Variants in ZNF479 observed in about 807,000 individuals in gnomAD.
ZNF479 encodes the protein zinc finger protein 479.
A neutral mutation model predicts 14.7 loss-of-function variants in ZNF479; 15 were observed. That is an observed-to-expected ratio of 1.02 (90% confidence interval 0.68 to 1.57). The LOEUF (loss-of-function observed/expected upper bound fraction) is 1.57. Among genes scored for constraint, ZNF479 ranks in the 40% most tolerant of loss-of-function variants. The pLI is 0.00. For missense variants in ZNF479, 506 were observed against 615.1 expected (o/e 0.82, Z 1.88); for synonymous variants, 145 against 211.5 (o/e 0.69, Z 2.73).
At chr7:57,133,340 T>C (rs1786516578), upstream of ZNF479, among the ~76,000 whole-genome samples, 1 of 152,072 alleles carries the variant, frequency 6.6e-6, no homozygotes, top group Admixed American at 6.6e-5. Flanking sequence ...CTTCACCTTC[T>C]GTCATGGTCA....
At chr7:57,134,819 C>T (rs1472289617), upstream of ZNF479, among the ~76,000 whole-genome samples, 1 of 151,982 alleles carries the variant, frequency 6.6e-6, no homozygotes, top group Non-Finnish European at 1.5e-5. Flanking sequence ...GGATTACAGG[C>T]ATGCGCCACC....
intron 3 of ZNF479, 57 bp from the exon 4 acceptor site, chr7:57,121,209 C>A (rs1785931925): frequency 2.5e-6 from 4 of 1,609,526 alleles, no homozygotes; most frequent in Non-Finnish European, 3.4e-6. Context: ...TAAATATATT[C>A]TACACATGAA....
At chr7:57,128,111 T>C (rs1349418326) in intron 1 of ZNF479, among the ~76,000 whole-genome samples, 1 of 150,772 alleles carries the variant, frequency 6.6e-6, no homozygotes, top group Non-Finnish European at 1.5e-5. Flanking sequence ...ATTTTTGTAT[T>C]TTTTTTTAGT....
At chr7:57,123,108 G>A (rs1308452420) in intron 3 of ZNF479, among the ~76,000 whole-genome samples, 1 of 152,120 alleles carries the variant, frequency 6.6e-6, no homozygotes, top group African/African-American at 2.4e-5. Flanking sequence ...TTGATTCACA[G>A]TTCAGTAGAC....
exon 1 of ZNF479, chr7:57,139,782 T>G (rs1037295509): frequency 6.6e-6 from 1 of 152,220 alleles, no homozygotes. Flanking sequence ...GATATAACTC[T>G]TTTTTCTGGG....
At chr7:57,128,600 A>G (rs1234317441) in intron 1 of ZNF479, among the ~76,000 whole-genome samples, 4 of 152,234 alleles carry the variant, frequency 2.6e-5, no homozygotes, top group Non-Finnish European at 5.9e-5. Context: ...CGTAGGTCAT[A>G]AATTTGTTCT....
chr7:57,133,600 C>T (rs1248076838), upstream of ZNF479, among the ~76,000 whole-genome samples: 1 of 152,182 alleles, frequency 6.6e-6, no homozygotes, highest in Non-Finnish European at 1.5e-5. Flanking sequence ...GGCGCAGTGG[C>T]TCACGCCTGT....
upstream of ZNF479, among the ~76,000 whole-genome samples, chr7:57,134,963 G>C (rs1253934841): frequency 6.6e-6 from 1 of 151,528 alleles, no homozygotes; most frequent in East Asian, 1.9e-4. Flanking sequence ...GCATAAGCCA[G>C]GGTTATAGGC....
chr7:57,136,571 A>T (rs1167848452), upstream of ZNF479, among the ~76,000 whole-genome samples: 8 of 152,322 alleles, frequency 5.3e-5, no homozygotes, highest in African/African-American at 1.9e-4. Context: ...TTTATGTTAT[A>T]CTTAACTCTA....
Position 57,119,400 on chromosome 7 carries a change from G to GAGTTAA in ZNF479, c.*439_*440insTTAACT, listed in dbSNP as rs1554399611. Among the ~76,000 whole-genome samples, 2 of 151,586 alleles carry GAGTTAA rather than the reference G, an allele frequency of 1.3e-5. No homozygotes were observed. The highest frequency in any genetic ancestry group is 4.8e-5 in the African/African-American group (2 of 41,382). ...ACAAAGGTGGATCACCTGAGGTCAG[G>GAGTTAA]AGTTCAAGACCATCCTGGCCAACAT... On this transcript the variant is annotated 3_prime_UTR_variant, in exon 4 of 4. Coordinates refer to ENST00000319636, the MANE Select transcript of ZNF479 (RefSeq NM_001370129.2).
chr7:57,125,699 A>C (rs1786132925), intron 3 of ZNF479, among the ~76,000 whole-genome samples: 1 of 152,096 alleles, frequency 6.6e-6, no homozygotes, highest in African/African-American at 2.4e-5. Flanking sequence ...TTTTTCAAAA[A>C]TATGCAGATA....
chr7:57,133,885 G>A (rs758319986), upstream of ZNF479, among the ~76,000 whole-genome samples: 1 of 152,000 alleles, frequency 6.6e-6, no homozygotes, highest in Non-Finnish European at 1.5e-5. Context: ...AAAGAAACAG[G>A]TGGAATAACA....
In ZNF479 at chr7:57,120,182, A is replaced by G. The variant is rs377242227; in HGVS notation, c.1233T>C (p.Cys411=). 2.3e-4 allele frequency: 370 copies of G among 1,612,242 alleles called. 2 individuals are homozygous for G. The highest frequency in any genetic ancestry group is 1.5e-3 in the Middle Eastern group (9 of 6,038). ...AGCTAAAGACTTTGCCACACTCTTC[A>G]CATTTGTAGGGTCTCTCTCCAGTAT... ...RIHTGERPYK[C]EECGKVFSLS... The change falls in exon 4 of 4, where the codon TGT becomes TGC. Residue 411 remains cysteine (C), a synonymous_variant. Coordinates refer to ENST00000319636, the MANE Select transcript of ZNF479 (RefSeq NM_001370129.2).
At chr7:57,124,281 A>C (rs1786066242) in intron 3 of ZNF479, among the ~76,000 whole-genome samples, 1 of 152,348 alleles carries the variant, frequency 6.6e-6, no homozygotes, top group South Asian at 2.1e-4. Context: ...TAAAGACATG[A>C]TAGAACAAAA....
chr7:57,128,057 TC>T (rs975139281), intron 1 of ZNF479, among the ~76,000 whole-genome samples: 10 of 151,804 alleles, frequency 6.6e-5, no homozygotes, highest in African/African-American at 2.4e-4. Flanking sequence ...TGCCTCAACC[TC>T]CCAAGTAGCT....
At chr7:57,132,156 G>A in intron 1 of ZNF479, 130 bp downstream of exon 1, 1 of 1,539,866 alleles carries the variant, frequency 6.5e-7, no homozygotes, top group Non-Finnish European at 8.9e-7. Flanking sequence ...GAGCCGAGCT[G>A]GGCCAAAGAG....
rs756908795 is a variant in ZNF479 at position 57,126,573 on chromosome 7, G to A, written c.166+19C>T. Reference sequence around the variant, plus strand: ...AGAAAAGCAATATATTAGGAATTATGTACTGAAGTTATCCTCACCCAGGGA... The same window carrying A: ...AGAAAAGCAATATATTAGGAATTATATACTGAAGTTATCCTCACCCAGGGA... On this transcript the variant is annotated intron_variant, in intron 2 of 3. Transcript: ENST00000319636. The A allele has an allele frequency of 5.6e-6, 9 of 1,605,330 alleles. No individual in the cohort carries two copies. The highest frequency in any genetic ancestry group is 7.6e-6 in the Non-Finnish European group (9 of 1,177,702).
intron 3 of ZNF479, among the ~76,000 whole-genome samples, chr7:57,123,772 G>T (rs1786047762): frequency 6.6e-6 from 1 of 152,072 alleles, no homozygotes; most frequent in Admixed American, 6.6e-5. Flanking sequence ...GGTTGAGGCT[G>T]CAGTGAGCCA....
intron 1 of ZNF479, among the ~76,000 whole-genome samples, chr7:57,129,006 C>T (rs574543984): frequency 4.6e-4 from 70 of 152,270 alleles, no homozygotes; most frequent in Non-Finnish European, 8.2e-4. Flanking sequence ...GGCAGAAAGA[C>T]CGAGACTTGC....
Sources: gnomAD v4.1 joint callset for allele counts (sites outside exome capture counted in the v4.1 genomes callset) on GRCh38, gnomAD v4.1.1 for gene constraint, MANE v1.5 for transcripts, NCBI Gene and HGNC (gene_info 2026-07-23, HGNC 2026-07-21) for gene names.